Variants in MPDZ observed in about 807,000 individuals in gnomAD.
MPDZ encodes multiple PDZ domain protein.
A neutral mutation model predicts 239.1 loss-of-function variants in MPDZ; 234 were observed. The observed-to-expected ratio is 0.98, with a 90% CI of 0.88 to 1.09. The LOEUF (loss-of-function observed/expected upper bound fraction) is 1.09, where lower values mean the gene tolerates loss of function less well. Among genes scored for constraint, MPDZ ranks in the 50% least tolerant of loss-of-function variants. The pLI is 0.00. For synonymous variants in MPDZ, 1,048 were observed against 881.3 expected, an observed-to-expected ratio of 1.19 and a Z score of -3.35; for missense variants, 3,175 against 2,510.0, an observed-to-expected ratio of 1.26 and a Z score of -5.66.
At chr9:13,200,094 A>G (rs765580621) in intron 12 of MPDZ, among the ~76,000 whole-genome samples, 8 of 151,882 alleles carry the variant, frequency 5.3e-5, no homozygotes, top group Non-Finnish European at 8.8e-5. Context: ...TTCTTTAATT[A>G]GAGACTTTTT....
rs188503948 is a variant in MPDZ, at chr9:13,118,813, G to A, written c.5379+689C>T. Among the ~76,000 whole-genome samples the A allele has an allele frequency of 2.8e-3, 419 of 152,250 alleles. 2 individuals carry two copies. The highest frequency in any genetic ancestry group is 9.6e-3 in the African/African-American group (398 of 41,546). Reference sequence around the variant, plus strand: ...GGTTCTGCCTTTCCAATCAGAAAATGATCCTTCATGGTGAGTTTGCTTTGG... The same window carrying A: ...GGTTCTGCCTTTCCAATCAGAAAATAATCCTTCATGGTGAGTTTGCTTTGG... On this transcript the variant is annotated intron_variant, in intron 39 of 46. Coordinates refer to ENST00000319217, the MANE Select transcript of MPDZ (RefSeq NM_001378778.1).
In MPDZ at chr9:13,236,197, ATG is replaced by A. The variant is rs377695828; in HGVS notation, c.183+11436_183+11437del. Among the ~76,000 whole-genome samples, 343 of 76,970 alleles carry A rather than the reference ATG, an allele frequency of 4.5e-3. 2 individuals are homozygous for A. Among genetic ancestry groups the A allele is most frequent in the African/African-American group, 0.011 (235 of 20,660 alleles). 50.5% of individuals were successfully genotyped at this position (76,970 alleles called of 152,430 possible). Reference sequence around the variant, plus strand: ...TTTGTGTGTGTGTGTTTCTGTATATATGTGTGTGTGTGTGTGTGTGTGTGTGT... The same window carrying A: ...TTTGTGTGTGTGTGTTTCTGTATATATGTGTGTGTGTGTGTGTGTGTGTGT... On this transcript the variant is annotated intron_variant, in intron 3 of 46. Coordinates refer to ENST00000319217, the MANE Select transcript of MPDZ (RefSeq NM_001378778.1).
chr9:13,196,610 CAG>C lies in MPDZ; in HGVS notation c.1547-382_1547-381del, dbSNP rs568591753. Among the ~76,000 whole-genome samples, 225 of 151,778 alleles carry C rather than the reference CAG, an allele frequency of 1.5e-3. 1 individual carries two copies. Among genetic ancestry groups the C allele is most frequent in the Admixed American group, 3.8e-3 (58 of 15,222 alleles). On this transcript the variant is annotated intron_variant, in intron 12 of 46. Transcript: ENST00000319217. Reference sequence around the variant, plus strand: ...TCTGTTTTATTTTCATTTAGTTCATCAGGGGAAAAAAGGACTATGCTATTATT... The same window carrying C: ...TCTGTTTTATTTTCATTTAGTTCATCGGGAAAAAAGGACTATGCTATTATT...
intron 41 of MPDZ, among the ~76,000 whole-genome samples, 156 bp from the exon 42 acceptor site, chr9:13,113,210 T>C (rs1042970639): frequency 1.3e-5 from 2 of 152,174 alleles, no homozygotes; most frequent in African/African-American, 4.8e-5. Context: ...TAGATCTGTC[T>C]TACACAGAAC....
Position 13,176,133 on chromosome 9 carries a change from T to G in MPDZ, c.2931+3A>C. The G allele has an allele frequency of 6.3e-7, 1 of 1,579,452 alleles. No homozygotes were observed. The highest frequency in any genetic ancestry group is 1.2e-5 in the South Asian group (1 of 85,678). The stretch of plus-strand genomic sequence containing the variant: ...AACACAAACCATATCTTTAAAATAT[T>G]ACCTTTCCAGCTGAATCGGGTAGCA... On this transcript the variant is annotated splice_donor_region_variant and intron_variant, in intron 20 of 46. Transcript: ENST00000319217.
At chr9:13,122,473 A>G (rs1277974175) in intron 36 of MPDZ, among the ~76,000 whole-genome samples, 2 of 151,722 alleles carry the variant, frequency 1.3e-5, no homozygotes, top group African/African-American at 2.4e-5. Flanking sequence ...CTTTTAAGGT[A>G]TTTTTGACAT....
chr9:13,114,012 C>T lies in MPDZ; in HGVS notation c.5476G>A (p.Gly1826Ser). Residue 1826 changes from glycine to serine, a missense_variant, in exon 41 of 47, where the codon GGC becomes AGC. Coordinates refer to ENST00000319217, the MANE Select transcript of MPDZ (RefSeq NM_001378778.1). ...GGAAAAGTGAAAGATGACAGGCTGC[C>T]TTCACTCACCTACAAATATACAACA... ...RPSQSSQVSE[G>S]SLSSFTFPLS... The T allele has an allele frequency of 6.3e-7, 1 of 1,590,794 alleles. No homozygotes were observed. Among genetic ancestry groups the T allele is most frequent in the South Asian group, 1.1e-5 (1 of 87,054 alleles).
chr9:13,251,088 C>T (rs1323314770), intron 1 of MPDZ, among the ~76,000 whole-genome samples: 1 of 137,666 alleles, frequency 7.3e-6, no homozygotes, highest in Non-Finnish European at 1.5e-5. Flanking sequence ...GAGATCATGC[C>T]ACCGCACTCC....
Position 13,118,363 on chromosome 9 carries a change from A to C in MPDZ, c.5379+1139T>G, listed in dbSNP as rs145223473. ...TGACGAATGTTAACTTTGCTTTAAT[A>C]ACCAAATTTATAAACACATTCATAT... On this transcript the variant is annotated intron_variant, in intron 39 of 46. Transcript: ENST00000319217. 3.3e-3 allele frequency among the ~76,000 whole-genome samples: 498 copies of C among 152,346 alleles called. 3 individuals are homozygous for C. The highest frequency in any genetic ancestry group is 0.011 in the African/African-American group (476 of 41,584).
At chr9:13,133,776 GAGGT>G (rs1946358465) in intron 32 of MPDZ, 44 bp downstream of exon 32, 1 of 1,299,378 alleles carries the variant, frequency 7.7e-7, no homozygotes, top group Admixed American at 1.7e-5. Context: ...TTAGAACACT[GAGGT>G]AAAGGAACTC....
intron 3 of MPDZ, among the ~76,000 whole-genome samples, chr9:13,228,273 A>T (rs1354755016): frequency 6.6e-6 from 1 of 152,164 alleles, no homozygotes; most frequent in Non-Finnish European, 1.5e-5. Context: ...GTATTTAGCA[A>T]ATAAACATAT....
At chr9:13,219,917 T>C in intron 7 of MPDZ, 149 bp from the exon 8 acceptor site, 2 of 715,610 alleles carry the variant, frequency 2.8e-6, no homozygotes, top group Non-Finnish European at 4.6e-6. Flanking sequence ...ATATTAACTG[T>C]CTTTTGAAAC....
In MPDZ at chr9:13,153,113, G is replaced by A. The variant is rs142355738; in HGVS notation, c.3453-2425C>T. ...ACATTTAAGGAGTTCCTAGAGAAGA[G>A]GAAAGGTTGAAGTAAGGAATCCTGC... On this transcript the variant is annotated intron_variant, in intron 24 of 46. Coordinates refer to ENST00000319217, the MANE Select transcript of MPDZ (RefSeq NM_001378778.1). Among the ~76,000 whole-genome samples, 718 of 152,178 alleles carry A rather than the reference G, an allele frequency of 4.7e-3. 6 individuals are homozygous for A. Among genetic ancestry groups the A allele is most frequent in the African/African-American group, 0.015 (638 of 41,530 alleles).
intron 10 of MPDZ, among the ~76,000 whole-genome samples, chr9:13,206,381 C>T (rs1956993442): frequency 6.6e-6 from 1 of 151,854 alleles, no homozygotes; most frequent in African/African-American, 2.4e-5. Flanking sequence ...ACACAGGCTT[C>T]TATGCCTTTT....
At chr9:13,114,318 ATGT>A (rs1329116481) in intron 40 of MPDZ, among the ~76,000 whole-genome samples, 1 of 152,186 alleles carries the variant, frequency 6.6e-6, no homozygotes, top group Admixed American at 6.5e-5. Flanking sequence ...ATTTAAACTG[ATGT>A]TGTAGGAAGA....
intron 38 of MPDZ, 103 bp downstream of exon 38, chr9:13,121,636 C>T (rs1428185848): frequency 8.3e-7 from 1 of 1,205,796 alleles, no homozygotes. Context: ...ACCTACTGAA[C>T]ACTAGCCACT....
In MPDZ at chr9:13,199,307, G is replaced by A. The variant is rs116185392; in HGVS notation, c.1547-3077C>T. ...GGATCACTTTCTTGATTTCTTTTTTGGATTATTTGCTGTGGTGTATGCTAC... is the reference window on the plus strand; with the variant it reads ...GGATCACTTTCTTGATTTCTTTTTTAGATTATTTGCTGTGGTGTATGCTAC... On this transcript the variant is annotated intron_variant, in intron 12 of 46. Transcript: ENST00000319217. Among the ~76,000 whole-genome samples, 1,121 of 151,650 alleles carry A rather than the reference G, an allele frequency of 7.4e-3. 14 individuals carry two copies. The highest frequency in any genetic ancestry group is 0.025 in the African/African-American group (1,055 of 41,392).
chr9:13,260,732 A>G (rs1481099739), intron 1 of MPDZ, among the ~76,000 whole-genome samples: 2 of 152,220 alleles, frequency 1.3e-5, no homozygotes, highest in Non-Finnish European at 2.9e-5. Flanking sequence ...GAAAGGCCAC[A>G]TGAGCACACA....
At chr9:13,116,170 TA>T (rs1413444773) in intron 39 of MPDZ, among the ~76,000 whole-genome samples, 3 of 152,098 alleles carry the variant, frequency 2.0e-5, no homozygotes, top group Admixed American at 2.0e-4. Flanking sequence ...CCTTTACAAA[TA>T]AACCATAGGC....
Sources: gnomAD v4.1 joint callset for allele counts (sites outside exome capture counted in the v4.1 genomes callset) on GRCh38, gnomAD v4.1.1 for gene constraint, MANE v1.5 for transcripts, NCBI Gene and HGNC (gene_info 2026-07-23, HGNC 2026-07-21) for gene names.